BCKDHB: variants seen among roughly 807,000 people sequenced by gnomAD.
BCKDHB encodes the protein 2-oxoisovalerate dehydrogenase subunit beta, mitochondrial.
In BCKDHB, 41 loss-of-function variants were observed where a neutral mutation model predicts 48.5. That is an observed-to-expected ratio of 0.85 (90% CI 0.66 to 1.10). The LOEUF (loss-of-function observed/expected upper bound fraction) is 1.10. BCKDHB is among the 50% of genes least tolerant of loss of function. The probability of loss-of-function intolerance (pLI) is 0.00; values close to 1 mark genes in which losing one functional copy is unlikely to be tolerated. For synonymous variants in BCKDHB, 201 were observed against 174.8 expected (o/e 1.15, Z -1.18); for missense variants, 496 against 494.2 (o/e 1.00, Z -0.03).
At chr6:80,412,704 C>G in the BCKDHB span, among the ~76,000 whole-genome samples, 1 of 152,128 alleles carries the variant, frequency 6.6e-6, no homozygotes, top group Non-Finnish European at 1.5e-5. Flanking sequence ...TTTTGTATGG[C>G]AGGCCTGGTG....
chr6:80,429,139 C>T, the BCKDHB span, among the ~76,000 whole-genome samples: 4 of 152,136 alleles, frequency 2.6e-5, no homozygotes, highest in African/African-American at 9.7e-5. Flanking sequence ...ATCCTTTCCC[C>T]GTTGCTTGTT....
At chr6:80,112,177 AC>A in intron 1 of BCKDHB, among the ~76,000 whole-genome samples, 1 of 152,384 alleles carries the variant, frequency 6.6e-6, no homozygotes, top group Non-Finnish European at 1.5e-5. Context: ...AGACATGTAT[AC>A]ACAAACACAA....
chr6:80,362,477 A>G, the BCKDHB span, among the ~76,000 whole-genome samples: 4 of 152,250 alleles, frequency 2.6e-5, no homozygotes, highest in South Asian at 8.3e-4. Flanking sequence ...CCAGACAGCA[A>G]GCCACCCAGA....
At chr6:80,391,924 A>G in the BCKDHB span, among the ~76,000 whole-genome samples, 1 of 152,082 alleles carries the variant, frequency 6.6e-6, no homozygotes, top group Non-Finnish European at 1.5e-5. Context: ...GTCCTTTTTA[A>G]AAAACCATTT....
chr6:80,362,474 G>A, the BCKDHB span, among the ~76,000 whole-genome samples: 3 of 152,118 alleles, frequency 2.0e-5, no homozygotes, highest in Admixed American at 6.5e-5. Context: ...TAACCAGACA[G>A]CAAGCCACCC....
At chr6:80,421,202 T>A in the BCKDHB span, among the ~76,000 whole-genome samples, 57 of 152,244 alleles carry the variant, frequency 3.7e-4, 1 homozygote, top group Non-Finnish European at 7.2e-4. Flanking sequence ...GGTGGCAGTT[T>A]CCCTTGTGTG....
At chr6:80,303,861 A>G (rs531433110) in intron 9 of BCKDHB, among the ~76,000 whole-genome samples, 1 of 152,208 alleles carries the variant, frequency 6.6e-6, no homozygotes, top group Admixed American at 6.5e-5. Context: ...AGTCATTTCA[A>G]TTCTGAGTGA....
chr6:80,399,100 A>G, the BCKDHB span, among the ~76,000 whole-genome samples: 1 of 152,172 alleles, frequency 6.6e-6, no homozygotes, highest in Non-Finnish European at 1.5e-5. Context: ...TTGAAGGAAC[A>G]TACCTGAAAA....
At chr6:80,147,615 G>A (rs926597124) in intron 3 of BCKDHB, among the ~76,000 whole-genome samples, 1 of 152,176 alleles carries the variant, frequency 6.6e-6, no homozygotes, top group Non-Finnish European at 1.5e-5. Flanking sequence ...AGACGGGGGT[G>A]AGATGATGCC....
intron 9 of BCKDHB, among the ~76,000 whole-genome samples, chr6:80,323,981 C>G (rs1184501119): frequency 1.3e-5 from 2 of 152,102 alleles, no homozygotes; most frequent in African/African-American, 4.8e-5. Context: ...ACCGTGTTAG[C>G]CAGGGTGGTC....
chr6:80,182,091 TAG>T (rs1773439847), intron 6 of BCKDHB, among the ~76,000 whole-genome samples: 1 of 152,228 alleles, frequency 6.6e-6, no homozygotes, highest in South Asian at 2.1e-4. Flanking sequence ...AGTGGTCAAG[TAG>T]ATTTCTATTT....
At chr6:80,186,231 C>T (rs1225144661) in intron 6 of BCKDHB, among the ~76,000 whole-genome samples, 1 of 152,102 alleles carries the variant, frequency 6.6e-6, no homozygotes, top group Non-Finnish European at 1.5e-5. Context: ...GGGGGCAGGC[C>T]TAGGCAGGTC....
In BCKDHB at chr6:80,106,820, G is replaced by C; in HGVS notation, c.127G>C (p.Glu43Gln). The C allele has an allele frequency of 6.2e-7, 1 of 1,609,560 alleles. No individual in the cohort carries two copies. The highest frequency in any genetic ancestry group is 1.1e-5 in the South Asian group (1 of 90,376). Reference protein sequence around the residue: ...RGFLHPAATVEDAAQRRQVAH... With the variant: ...RGFLHPAATVQDAAQRRQVAH... ...CTTTTTGCACCCCGCCGCGACTGTC[G>C]AGGATGCGGCCCAGAGGCGGCAGGT... Residue 43 changes from glutamate to glutamine, a missense_variant, in exon 1 of 10, where the codon GAG becomes CAG. By Grantham distance (29) the Glu-to-Gln change is conservative. Transcript: ENST00000320393.
At chr6:80,192,783 C>A (rs912783180) in intron 6 of BCKDHB, among the ~76,000 whole-genome samples, 13 of 151,360 alleles carry the variant, frequency 8.6e-5, no homozygotes, top group African/African-American at 2.9e-4. Context: ...TATGAAGGTG[C>A]CTTATCATAT....
chr6:80,294,718 C>G (rs1767132358), intron 9 of BCKDHB, among the ~76,000 whole-genome samples: 1 of 152,166 alleles, frequency 6.6e-6, no homozygotes, highest in South Asian at 2.1e-4. Flanking sequence ...TGGGGAAGAA[C>G]TCCGCTCTGG....
intron 8 of BCKDHB, among the ~76,000 whole-genome samples, chr6:80,261,790 T>C (rs2322746): frequency 0.012 from 1,829 of 152,310 alleles, 30 homozygotes; most frequent in African/African-American, 0.042. Flanking sequence ...GGATGTTAAG[T>C]AGATTATTCT....
At chr6:80,236,599 A>G (rs778504790) in intron 8 of BCKDHB, among the ~76,000 whole-genome samples, 1 of 152,236 alleles carries the variant, frequency 6.6e-6, no homozygotes, top group African/African-American at 2.4e-5. Flanking sequence ...TTTATTCCTT[A>G]CATTAGCAGA....
the BCKDHB span, among the ~76,000 whole-genome samples, chr6:80,423,525 C>T: frequency 2.0e-5 from 3 of 152,170 alleles, no homozygotes; most frequent in Non-Finnish European, 4.4e-5. Flanking sequence ...CATTGTGTAA[C>T]TTGGTGGAAC....
chr6:80,106,697 G>A lies in BCKDHB; in HGVS notation c.4G>A (p.Ala2Thr), dbSNP rs1381538696. MAVVAAAAGWLL... is the reference protein window; with the variant it reads MTVVAAAAGWLL... ...AGAATCCCGGTGGTGAGCGGGGATG[G>A]CGGTTGTAGCGGCGGCTGCCGGCTG... Residue 2 changes from alanine (A) to threonine (T), a missense_variant, in exon 1 of 10, where the codon GCG (alanine) becomes ACG (threonine). Ala to Thr is a moderately conservative substitution (Grantham distance 58). Coordinates refer to ENST00000320393, the MANE Select transcript of BCKDHB (RefSeq NM_183050.4). 1.3e-6 allele frequency: 2 copies of A among 1,555,244 alleles called. No homozygotes were observed. The highest frequency in any genetic ancestry group is 1.7e-6 in the Non-Finnish European group (2 of 1,150,146).
Sources: allele counts gnomAD v4.1 joint callset (sites outside exome capture counted in the v4.1 genomes callset), GRCh38; gene constraint gnomAD v4.1.1; transcripts MANE v1.5; gene names NCBI Gene and HGNC (gene_info 2026-07-23, HGNC 2026-07-21).